Variants in DTWD1 observed in about 807,000 individuals in gnomAD.
DTWD1 encodes the protein DTW motif tRNA-uridine aminocarboxypropyltransferase 1.
In DTWD1, 27 loss-of-function variants were observed where a neutral mutation model predicts 30.2. The ratio of observed to expected loss-of-function variants is 0.90; its 90% confidence interval spans 0.66 to 1.23. The LOEUF (loss-of-function observed/expected upper bound fraction) is 1.23, where lower values mean the gene tolerates loss of function less well. DTWD1 is among the 50% of genes most tolerant of loss of function. The pLI is 0.00. For synonymous variants in DTWD1, 99 were observed against 113.1 expected (o/e 0.88, Z 0.79); for missense variants, 342 against 348.8 (o/e 0.98, Z 0.15).
chr15:49,647,865 T>G lies in DTWD1; in HGVS notation c.*4287T>G, dbSNP rs1438068840. 6.8e-6 allele frequency: 1 copy of G among 146,432 alleles called. No homozygotes were observed. The highest frequency in any genetic ancestry group is 6.8e-5 in the Admixed American group (1 of 14,740). The allele number at this position is 146,432 out of a possible 1,614,324, so 9.1% of individuals were successfully genotyped here. A position where few individuals can be genotyped will look rare whatever the true frequency, so the allele number is the denominator to read the frequency against. On this transcript the variant is annotated 3_prime_UTR_variant, in exon 5 of 5. Coordinates refer to ENST00000403028, the MANE Select transcript of DTWD1 (RefSeq NM_001144955.2). ...TATTCACAAAACAAGAATAGGAGAG[T>G]GTGAAAAAGAACAAGCAATAAAAAA...
chr15:49,656,122 G>C lies in DTWD1; in HGVS notation c.*12544G>C, dbSNP rs1206040723. 6.6e-6 allele frequency: 1 copy of C among 152,062 alleles called. No individual in the cohort carries two copies. Among genetic ancestry groups the C allele is most frequent in the Non-Finnish European group, 1.5e-5 (1 of 67,952 alleles). The allele number at this position is 152,062 out of a possible 1,614,324, so 9.4% of individuals were successfully genotyped here. A position where few individuals can be genotyped will look rare whatever the true frequency, so the allele number is the denominator to read the frequency against. On this transcript the variant is annotated 3_prime_UTR_variant, in exon 5 of 5. Transcript: ENST00000403028. ...AAAAGTTCTGGTTTTACTTTTAAAA[G>C]TGAAGGCTAACTGTTAGCTCAAGAA... is the stretch of plus-strand genomic sequence containing the variant.
chr15:49,633,051 A>ATATATATATATATATATC (rs2078949336), intron 3 of DTWD1, among the ~76,000 whole-genome samples: 1 of 140,538 alleles, frequency 7.1e-6, no homozygotes, highest in Admixed American at 7.1e-5. Flanking sequence ...ATCTATATCT[A>ATATATATATATATATATC]TATATATATA....
At chr15:49,628,202 G>C (rs1165386550) in intron 2 of DTWD1, among the ~76,000 whole-genome samples, 6 of 152,150 alleles carry the variant, frequency 3.9e-5, no homozygotes, top group African/African-American at 1.4e-4. Context: ...CCCACTGGAA[G>C]CTCTTCAGGG....
intron 4 of DTWD1, among the ~76,000 whole-genome samples, chr15:49,639,934 G>C (rs1287338184): frequency 6.6e-6 from 1 of 151,962 alleles, no homozygotes; most frequent in Non-Finnish European, 1.5e-5. Context: ...GTTTTTAACT[G>C]TTTTATATTT....
rs576144495 is a variant in DTWD1 at position 49,634,105 on chromosome 15, C to T, written c.409-431C>T. Among the ~76,000 whole-genome samples, 5 of 152,280 alleles carry T rather than the reference C, an allele frequency of 3.3e-5. No homozygotes were observed. The South Asian group carries it at 1.0e-3, about 32-fold the overall frequency. Reference sequence around the variant, plus strand: ...TATGCTATTTAATCCTGCTCTCAGACCACCATTTCCTCACCAGCATTCACT... The same window carrying T: ...TATGCTATTTAATCCTGCTCTCAGATCACCATTTCCTCACCAGCATTCACT... On this transcript the variant is annotated intron_variant, in intron 3 of 4. Coordinates refer to ENST00000403028, the MANE Select transcript of DTWD1 (RefSeq NM_001144955.2).
chr15:49,651,533 A>AGCT lies in DTWD1; in HGVS notation c.*7966_*7968dup, dbSNP rs971281094. On this transcript the variant is annotated 3_prime_UTR_variant, in exon 5 of 5. Coordinates refer to ENST00000403028, the MANE Select transcript of DTWD1 (RefSeq NM_001144955.2). ...AGTTTCAACTTACCAAGGCTGCCTT[A>AGCT]GCTGCTGCTGCTGTTGAATGTCCAA... The AGCT allele has an allele frequency of 6.6e-6, 1 of 152,166 alleles. No individual in the cohort carries two copies. Among genetic ancestry groups the AGCT allele is most frequent in the Non-Finnish European group, 1.5e-5 (1 of 68,038 alleles). 9.4% of individuals were successfully genotyped at this position (152,166 alleles called of 1,614,324 possible).
At chr15:49,626,669 T>C in intron 2 of DTWD1, 1 of 372,468 alleles carries the variant, frequency 2.7e-6, no homozygotes, top group Non-Finnish European at 5.5e-6. Context: ...TAAAATTTGT[T>C]TTGATGATTT....
intron 1 of DTWD1, among the ~76,000 whole-genome samples, chr15:49,624,392 C>G (rs1567732484): frequency 6.6e-6 from 1 of 152,150 alleles, no homozygotes; most frequent in Non-Finnish European, 1.5e-5. Flanking sequence ...GCAATTTTGG[C>G]AGCCATCACC....
Position 49,656,019 on chromosome 15 carries a change from A to C in DTWD1, c.*12441A>C, listed in dbSNP as rs2079174729. Reference sequence around the variant, plus strand: ...GTGTTATAAACATTTATTTAGTGAAATACAGTACAATTACAACAAGCATCA... The same window carrying C: ...GTGTTATAAACATTTATTTAGTGAACTACAGTACAATTACAACAAGCATCA... On this transcript the variant is annotated 3_prime_UTR_variant, in exon 5 of 5. Transcript: ENST00000403028. 1 of 152,076 alleles carries C rather than the reference A, an allele frequency of 6.6e-6. No homozygotes were observed. Among genetic ancestry groups the C allele is most frequent in the Admixed American group, 6.6e-5 (1 of 15,246 alleles). 9.4% of individuals were successfully genotyped at this position (152,076 alleles called of 1,614,324 possible).
chr15:49,638,300 A>G (rs985973749), intron 4 of DTWD1, among the ~76,000 whole-genome samples: 1 of 152,224 alleles, frequency 6.6e-6, no homozygotes, highest in Non-Finnish European at 1.5e-5. Flanking sequence ...GATTTGTACA[A>G]AAGATTTTTG....
In DTWD1 at chr15:49,652,281, T is replaced by C. The variant is rs999988615; in HGVS notation, c.*8703T>C. On this transcript the variant is annotated 3_prime_UTR_variant, in exon 5 of 5. Transcript: ENST00000403028. ...GCAGCAGCTACCTGGATACTTTCGG[T>C]TCCTTGTGTCTGTCTAGGGAGCAGC... 1 of 152,126 alleles carries C rather than the reference T, an allele frequency of 6.6e-6. No homozygotes were observed. The highest frequency in any genetic ancestry group is 2.4e-5 in the African/African-American group (1 of 41,424). 9.4% of individuals were successfully genotyped at this position (152,126 alleles called of 1,614,324 possible).
In DTWD1 at chr15:49,653,191, A is replaced by G. The variant is rs2079162340; in HGVS notation, c.*9613A>G. On this transcript the variant is annotated 3_prime_UTR_variant, in exon 5 of 5. Transcript: ENST00000403028. Reference sequence around the variant, plus strand: ...CATTAAGTTAAGCACTTTGAAATGTAGAGATTATCCTGAATTATCTAGGTA... The same window carrying G: ...CATTAAGTTAAGCACTTTGAAATGTGGAGATTATCCTGAATTATCTAGGTA... The G allele has an allele frequency of 6.6e-6, 1 of 152,192 alleles. No individual in the cohort carries two copies. Among genetic ancestry groups the G allele is most frequent in the African/African-American group, 2.4e-5 (1 of 41,464 alleles). The allele number at this position is 152,192 out of a possible 1,614,324, so 9.4% of individuals were successfully genotyped here.
At position 49,650,065 on chromosome 15, in the gene DTWD1, AAT is replaced by A. The variant is rs2079144221; in HGVS notation, c.*6490_*6491del. 1 of 152,110 alleles carries A rather than the reference AAT, an allele frequency of 6.6e-6. No individual in the cohort carries two copies. Among genetic ancestry groups the A allele is most frequent in the African/African-American group, 2.4e-5 (1 of 41,422 alleles). 9.4% of individuals were successfully genotyped at this position (152,110 alleles called of 1,614,324 possible). On this transcript the variant is annotated 3_prime_UTR_variant, in exon 5 of 5. Coordinates refer to ENST00000403028, the MANE Select transcript of DTWD1 (RefSeq NM_001144955.2). ...GAATAATGTTTTAATTATAGGGAAC[AAT>A]ATGTGTGTGTCTATATATATATATA...
chr15:49,631,325 T>A (rs1468671023), intron 2 of DTWD1, among the ~76,000 whole-genome samples: 4 of 152,202 alleles, frequency 2.6e-5, no homozygotes, highest in African/African-American at 9.7e-5. Flanking sequence ...AATTATTTAA[T>A]TTGTGCTATT....
At chr15:49,629,505 A>G (rs935198436) in intron 2 of DTWD1, 3 of 152,186 alleles carry the variant, frequency 2.0e-5, no homozygotes, top group Admixed American at 2.0e-4. Context: ...AGAAGTTCAC[A>G]TTTATGATCT....
rs964207725 is a variant in DTWD1 at position 49,650,080 on chromosome 15, A to G, written c.*6502A>G. 6.6e-6 allele frequency: 1 copy of G among 151,144 alleles called. No homozygotes were observed. Among genetic ancestry groups the G allele is most frequent in the Non-Finnish European group, 1.5e-5 (1 of 67,708 alleles). 9.4% of individuals were successfully genotyped at this position (151,144 alleles called of 1,614,324 possible). A position where few individuals can be genotyped will look rare whatever the true frequency, so the allele number is the denominator to read the frequency against. On this transcript the variant is annotated 3_prime_UTR_variant, in exon 5 of 5. Coordinates refer to ENST00000403028, the MANE Select transcript of DTWD1 (RefSeq NM_001144955.2). ...TATAGGGAACAATATGTGTGTGTCT[A>G]TATATATATATACACACAAAGGTAC...
chr15:49,625,563 A>G (rs1300153283), intron 2 of DTWD1, 132 bp downstream of exon 2: 16 of 998,292 alleles, frequency 1.6e-5, no homozygotes, highest in Middle Eastern at 6.5e-4. Flanking sequence ...GTTGCTGCAA[A>G]GAAAAACTAG....
intron 2 of DTWD1, among the ~76,000 whole-genome samples, chr15:49,630,141 T>C (rs1253882436): frequency 3.9e-5 from 6 of 152,112 alleles, no homozygotes; most frequent in Non-Finnish European, 7.4e-5. Flanking sequence ...GTACAAACTA[T>C]AGTGGCAGTG....
Position 49,655,329 on chromosome 15 carries a change from T to A in DTWD1, c.*11751T>A, listed in dbSNP as rs1025289097. On this transcript the variant is annotated 3_prime_UTR_variant, in exon 5 of 5. Transcript: ENST00000403028. ...GGGTGGTTTATTACATAGCAATTGA[T>A]AACTGATACAACAGTCTTTTCGTTA... 6.6e-6 allele frequency: 1 copy of A among 152,030 alleles called. No individual in the cohort carries two copies. Among genetic ancestry groups the A allele is most frequent in the South Asian group, 2.1e-4 (1 of 4,830 alleles). 9.4% of individuals were successfully genotyped at this position (152,030 alleles called of 1,614,324 possible).
Sources: gnomAD v4.1 joint callset for allele counts (sites outside exome capture counted in the v4.1 genomes callset) on GRCh38, gnomAD v4.1.1 for gene constraint, MANE v1.5 for transcripts, NCBI Gene and HGNC (gene_info 2026-07-23, HGNC 2026-07-21) for gene names.